Variants in SPHKAP observed in about 807,000 individuals in gnomAD.
SPHKAP encodes the protein SPHK1 interactor, AKAP domain containing.
SPHKAP carries 67 observed loss-of-function variants against 137.5 expected under a neutral mutation model. That is an observed-to-expected ratio of 0.49 (90% CI 0.40 to 0.60). The LOEUF is 0.60. Among genes scored for constraint, SPHKAP ranks in the 20% least tolerant of loss-of-function variants. SPHKAP has a pLI of 0.00. For missense variants in SPHKAP, 2,097 were observed against 2,069.3 expected (o/e 1.01, Z -0.26); for synonymous variants, 813 against 785.3 (o/e 1.04, Z -0.59).
intron 2 of SPHKAP, among the ~76,000 whole-genome samples, chr2:228,130,047 C>T (rs969337546): frequency 2.6e-5 from 4 of 152,118 alleles, no homozygotes; most frequent in Non-Finnish European, 5.9e-5. Context: ...CCGCCCACCT[C>T]GTACTCCCAA....
intron 1 of SPHKAP, among the ~76,000 whole-genome samples, chr2:228,141,890 T>C (rs1427381686): frequency 2.0e-5 from 3 of 152,174 alleles, no homozygotes; most frequent in African/African-American, 4.8e-5. Flanking sequence ...AATGGTTACA[T>C]TAAAAATATA....
At chr2:227,990,681 T>A (rs1693379639) in intron 11 of SPHKAP, among the ~76,000 whole-genome samples, 1 of 152,186 alleles carries the variant, frequency 6.6e-6, no homozygotes, top group African/African-American at 2.4e-5. Context: ...CTTTCTTTTA[T>A]TTAAAGGATC....
At chr2:227,984,559 G>T (rs1693142117) in intron 11 of SPHKAP, among the ~76,000 whole-genome samples, 1 of 152,156 alleles carries the variant, frequency 6.6e-6, no homozygotes, top group African/African-American at 2.4e-5. Flanking sequence ...AAGAGTGTAT[G>T]TAAGATCCAA....
intron 9 of SPHKAP, among the ~76,000 whole-genome samples, chr2:227,992,431 A>G (rs1693450434): frequency 6.6e-6 from 1 of 152,200 alleles, no homozygotes; most frequent in Non-Finnish European, 1.5e-5. Context: ...GATGCTGACC[A>G]TGGAGGTGAT....
intron 7 of SPHKAP, chr2:227,995,932 A>G: frequency 1.0e-6 from 1 of 983,904 alleles, no homozygotes; most frequent in Non-Finnish European, 1.2e-6. Context: ...CCCTCCAATC[A>G]TTTGAAAAAC....
At chr2:228,090,399 G>T (rs1239592678) in intron 3 of SPHKAP, among the ~76,000 whole-genome samples, 4 of 152,154 alleles carry the variant, frequency 2.6e-5, no homozygotes, top group African/African-American at 9.7e-5. Context: ...GATTTTACAG[G>T]CTCATAGCTG....
At chr2:228,129,779 CTTTAGT>C (rs1222677917) in intron 2 of SPHKAP, among the ~76,000 whole-genome samples, 1 of 149,264 alleles carries the variant, frequency 6.7e-6, no homozygotes, top group African/African-American at 2.5e-5. Flanking sequence ...TAAAGATTAG[CTTTAGT>C]TTTAATTTTT....
At chr2:228,078,177 G>A (rs971170687) in intron 3 of SPHKAP, among the ~76,000 whole-genome samples, 3 of 152,234 alleles carry the variant, frequency 2.0e-5, no homozygotes, top group African/African-American at 4.8e-5. Flanking sequence ...GCATGAAAAT[G>A]GACTAATAAA....
At chr2:228,060,031 A>G (rs1202246775) in intron 3 of SPHKAP, among the ~76,000 whole-genome samples, 2 of 152,216 alleles carry the variant, frequency 1.3e-5, no homozygotes, top group Admixed American at 6.5e-5. Context: ...ATGGCCACAA[A>G]ATCAACAAAC....
intron 1 of SPHKAP, among the ~76,000 whole-genome samples, chr2:228,172,660 C>T: frequency 6.6e-6 from 1 of 152,170 alleles, no homozygotes; most frequent in East Asian, 1.9e-4. Flanking sequence ...AATTCCAAAA[C>T]CCCAGGGGAT....
intron 2 of SPHKAP, among the ~76,000 whole-genome samples, chr2:228,129,725 TAC>T (rs962700761): frequency 1.7e-4 from 26 of 151,770 alleles, no homozygotes; most frequent in African/African-American, 5.5e-4. Flanking sequence ...AACATATGCA[TAC>T]ACACACAAAT....
At chr2:228,056,162 A>T (rs1480273121) in intron 3 of SPHKAP, among the ~76,000 whole-genome samples, 1 of 152,094 alleles carries the variant, frequency 6.6e-6, no homozygotes, top group African/African-American at 2.4e-5. Context: ...CTTCATCACC[A>T]TTATCACAAT....
chr2:228,122,391 A>G (rs530720262), intron 2 of SPHKAP, among the ~76,000 whole-genome samples: 1 of 152,346 alleles, frequency 6.6e-6, no homozygotes, highest in Non-Finnish European at 1.5e-5. Flanking sequence ...TAGAGAACAG[A>G]ACAAGGTTGG....
intron 3 of SPHKAP, among the ~76,000 whole-genome samples, chr2:228,080,212 T>C (rs1340532931): frequency 6.6e-6 from 1 of 152,092 alleles, no homozygotes; most frequent in African/African-American, 2.4e-5. Context: ...GAGAACATAT[T>C]TGCAGATCAT....
chr2:228,019,386 T>C lies in SPHKAP; in HGVS notation c.1468A>G (p.Arg490Gly), dbSNP rs770117156. Residue 490 changes from arginine (R) to glycine (G), a missense_variant, in exon 7 of 12, where the codon AGA becomes GGA. Coordinates refer to ENST00000392056, the MANE Select transcript of SPHKAP (RefSeq NM_001142644.2). ...SSILSGENSS[R>G]QPQSALEVAL... ...ACTTCTAGAGCACTCTGGGGTTGTC[T>C]GCTGGAGTTCTCTCCAGAGAGGATG... 1.2e-5 allele frequency: 19 copies of C among 1,614,094 alleles called. No individual in the cohort carries two copies. In the East Asian group the frequency reaches 4.0e-4, roughly 34 times the overall value.
intron 3 of SPHKAP, among the ~76,000 whole-genome samples, chr2:228,055,727 C>T (rs900389450): frequency 6.6e-6 from 1 of 152,126 alleles, no homozygotes; most frequent in South Asian, 2.1e-4. Flanking sequence ...GTGATGGCAG[C>T]CTCAGCTGCC....
intron 4 of SPHKAP, 139 bp downstream of exon 4, chr2:228,027,345 G>A: frequency 1.2e-6 from 1 of 869,332 alleles, no homozygotes; most frequent in East Asian, 2.5e-5. Flanking sequence ...GTAAGTGCTA[G>A]GGAAAGGGTC....
At position 228,017,704 on chromosome 2, in the gene SPHKAP, C is replaced by T. The variant is rs368506530; in HGVS notation, c.3150G>A (p.Thr1050=). 69 of 1,614,022 alleles carry T rather than the reference C, an allele frequency of 4.3e-5. No homozygotes were observed. The highest frequency in any genetic ancestry group is 1.9e-4 in the African/African-American group (14 of 75,064). The stretch of plus-strand genomic sequence containing the variant: ...ACATGCCGTCCACCATAGAGAACTC[C>T]GTTAGGTTCATGATCTTGGCTGCCA... ...NEVAAKIMNL[T]EFSMVDGMWQ... Residue 1050 remains threonine (T), a synonymous_variant, in exon 7 of 12, where the codon ACG becomes ACA. Coordinates refer to ENST00000392056, the MANE Select transcript of SPHKAP (RefSeq NM_001142644.2).
chr2:228,092,263 G>A (rs190512357), intron 3 of SPHKAP, among the ~76,000 whole-genome samples: 138 of 137,258 alleles, frequency 1.0e-3, no homozygotes, highest in African/African-American at 1.8e-3. Context: ...GTGTGTATAC[G>A]TACACACACA....
Sources: allele counts gnomAD v4.1 joint callset (sites outside exome capture counted in the v4.1 genomes callset), GRCh38; gene constraint gnomAD v4.1.1; transcripts MANE v1.5; gene names NCBI Gene and HGNC (gene_info 2026-07-23, HGNC 2026-07-21).